Variants in ERBB4 observed in about 807,000 individuals in gnomAD.
The protein encoded by ERBB4 is erb-b2 receptor tyrosine kinase 4, also known as receptor tyrosine-protein kinase erbB-4.
In ERBB4, 42 loss-of-function variants were observed where a neutral mutation model predicts 158.0. The observed-to-expected ratio is 0.27, with a 90% CI of 0.21 to 0.34. ERBB4 has a LOEUF of 0.34. ERBB4 is among the 10% of genes least tolerant of loss of function. The pLI, the probability that ERBB4 is intolerant of heterozygous loss-of-function variation, is 1.00. For synonymous variants in ERBB4, 583 were observed against 558.7 expected (o/e 1.04, Z -0.61); for missense variants, 1,333 against 1,624.1 (o/e 0.82, Z 3.08).
intron 1 of ERBB4, among the ~76,000 whole-genome samples, chr2:212,523,088 T>C (rs1692261831): frequency 6.6e-6 from 1 of 151,870 alleles, no homozygotes; most frequent in Non-Finnish European, 1.5e-5. Flanking sequence ...ATAGTGTAGA[T>C]CCAAAAGTGG....
chr2:212,264,080 T>C (rs914121787), intron 1 of ERBB4, among the ~76,000 whole-genome samples: 2 of 152,106 alleles, frequency 1.3e-5, no homozygotes, highest in East Asian at 1.9e-4. Flanking sequence ...ATTGCCTTGG[T>C]TGAATTTGTT....
At chr2:211,553,598 T>G (rs991166423) in intron 20 of ERBB4, among the ~76,000 whole-genome samples, 3 of 152,232 alleles carry the variant, frequency 2.0e-5, no homozygotes, top group Non-Finnish European at 2.9e-5. Flanking sequence ...ACACATAGTT[T>G]ACATTCTTAC....
chr2:212,454,625 T>G lies in ERBB4; in HGVS notation c.82+83824A>C, dbSNP rs1688185606. 2.0e-5 allele frequency among the ~76,000 whole-genome samples: 3 copies of G among 152,360 alleles called. No individual in the cohort carries two copies. The South Asian group carries it at 6.2e-4, about 32-fold the overall frequency. ...CTTAATGATTCCCATAAGTCTATTATGAGAACTCTTCATTAATCAAAATTT... is the reference window on the plus strand; with the variant it reads ...CTTAATGATTCCCATAAGTCTATTAGGAGAACTCTTCATTAATCAAAATTT... On this transcript the variant is annotated intron_variant, in intron 1 of 27. Coordinates refer to ENST00000342788, the MANE Select transcript of ERBB4 (RefSeq NM_005235.3).
At chr2:212,362,408 A>C (rs936364783) in intron 1 of ERBB4, among the ~76,000 whole-genome samples, 3 of 151,130 alleles carry the variant, frequency 2.0e-5, no homozygotes, top group African/African-American at 7.3e-5. Flanking sequence ...CACACATTAT[A>C]TTTTCTTAGC....
At chr2:211,715,669 G>A (rs1286511046) in intron 7 of ERBB4, among the ~76,000 whole-genome samples, 1 of 152,130 alleles carries the variant, frequency 6.6e-6, no homozygotes, top group Non-Finnish European at 1.5e-5. Context: ...TTACAAGTGT[G>A]TCACACCTCC....
chr2:212,128,997 T>G (rs2080027090), intron 1 of ERBB4, among the ~76,000 whole-genome samples: 2 of 152,046 alleles, frequency 1.3e-5, no homozygotes. Flanking sequence ...TATAAACTAA[T>G]AAAATGACTG....
chr2:211,633,107 C>T (rs2070208000), intron 16 of ERBB4, among the ~76,000 whole-genome samples: 1 of 151,982 alleles, frequency 6.6e-6, no homozygotes. Context: ...AATTGAGTAT[C>T]ATGAAAAAGG....
intron 20 of ERBB4, among the ~76,000 whole-genome samples, chr2:211,500,302 T>G (rs548804646): frequency 3.3e-4 from 50 of 152,222 alleles, no homozygotes; most frequent in Non-Finnish European, 6.9e-4. Context: ...GCAACAGACA[T>G]TTTTAAAATT....
chr2:211,909,496 C>G (rs1382910068), intron 3 of ERBB4, among the ~76,000 whole-genome samples: 1 of 151,724 alleles, frequency 6.6e-6, no homozygotes, highest in Non-Finnish European at 1.5e-5. Flanking sequence ...TGCTCCTAGA[C>G]TATAAATCCG....
chr2:212,475,881 T>G (rs561229269), intron 1 of ERBB4, among the ~76,000 whole-genome samples: 1 of 152,236 alleles, frequency 6.6e-6, no homozygotes, highest in South Asian at 2.1e-4. Context: ...TCTTTACCCT[T>G]ACTCAGTCCA....
At chr2:212,177,788 G>A (rs370554952) in intron 1 of ERBB4, among the ~76,000 whole-genome samples, 1 of 151,898 alleles carries the variant, frequency 6.6e-6, no homozygotes, top group Admixed American at 6.6e-5. Flanking sequence ...TTACACTAAT[G>A]AAGTTTAATT....
intron 19 of ERBB4, among the ~76,000 whole-genome samples, chr2:211,613,092 A>G (rs770030789): frequency 2.0e-5 from 3 of 152,044 alleles, no homozygotes; most frequent in Non-Finnish European, 4.4e-5. Flanking sequence ...AAGGATGGAG[A>G]CAAGGTCAGA....
chr2:211,918,428 G>A (rs991047280), intron 3 of ERBB4, among the ~76,000 whole-genome samples: 1 of 152,014 alleles, frequency 6.6e-6, no homozygotes, highest in Non-Finnish European at 1.5e-5. Context: ...AACCTTCTAC[G>A]TGATGTTTCT....
chr2:212,102,931 C>G (rs1309420944), intron 2 of ERBB4, among the ~76,000 whole-genome samples: 1 of 152,094 alleles, frequency 6.6e-6, no homozygotes, highest in East Asian at 1.9e-4. Context: ...TTCTTTCTTA[C>G]TTAGACTGCT....
intron 20 of ERBB4, among the ~76,000 whole-genome samples, chr2:211,486,675 C>T (rs1477503350): frequency 6.6e-6 from 1 of 152,000 alleles, no homozygotes; most frequent in Non-Finnish European, 1.5e-5. Flanking sequence ...CCATCCATGA[C>T]CCTGTGCAAG....
intron 12 of ERBB4, among the ~76,000 whole-genome samples, chr2:211,687,893 A>T (rs2072630997): frequency 6.6e-6 from 1 of 152,160 alleles, no homozygotes; most frequent in African/African-American, 2.4e-5. Context: ...AAAAGGTAAA[A>T]GTATGTTTCC....
intron 19 of ERBB4, among the ~76,000 whole-genome samples, chr2:211,577,086 C>A (rs1165571607): frequency 2.6e-5 from 4 of 152,260 alleles, no homozygotes; most frequent in Non-Finnish European, 5.9e-5. Context: ...CTGAAAAGAA[C>A]AATTTCAGGT....
chr2:211,631,400 A>G (rs1229279077), intron 16 of ERBB4, among the ~76,000 whole-genome samples: 1 of 152,216 alleles, frequency 6.6e-6, no homozygotes, highest in African/African-American at 2.4e-5. Context: ...TGTTTTCAGA[A>G]TAATGACAAG....
intron 2 of ERBB4, among the ~76,000 whole-genome samples, chr2:212,087,203 T>C (rs1219802818): frequency 6.6e-6 from 1 of 151,898 alleles, no homozygotes; most frequent in Non-Finnish European, 1.5e-5. Context: ...AAATATCTTC[T>C]AAAGGCCATC....
Sources: allele counts gnomAD v4.1 joint callset (sites outside exome capture counted in the v4.1 genomes callset), GRCh38; gene constraint gnomAD v4.1.1; transcripts MANE v1.5; gene names NCBI Gene and HGNC (gene_info 2026-07-23, HGNC 2026-07-21).